The following PCDH15 variants were observed in gnomAD, a reference collection of about 807,000 sequenced individuals.
PCDH15 encodes protocadherin related 15.
PCDH15 carries 129 observed loss-of-function variants against 178.5 expected under a neutral mutation model. The observed-to-expected ratio is 0.72, with a 90% CI of 0.63 to 0.84. The LOEUF (loss-of-function observed/expected upper bound fraction) is 0.84, where lower values mean the gene tolerates loss of function less well. Among genes scored for constraint, PCDH15 ranks in the 40% least tolerant of loss-of-function variants. The pLI, the probability that PCDH15 is intolerant of heterozygous loss-of-function variation, is 0.00. For missense variants in PCDH15, 2,230 were observed against 2,099.9 expected (o/e 1.06, Z -1.21); for synonymous variants, 800 against 732.0 (o/e 1.09, Z -1.50).
chr10:55,617,492 A>G (rs999501905), intron 2 of PCDH15, among the ~76,000 whole-genome samples: 1 of 152,102 alleles, frequency 6.6e-6, no homozygotes, highest in Non-Finnish European at 1.5e-5. Context: ...TAGACCAATT[A>G]GTATCAGTAG....
At chr10:54,594,249 C>A (rs575704274) in intron 2 of PCDH15, among the ~76,000 whole-genome samples, 1 of 152,238 alleles carries the variant, frequency 6.6e-6, no homozygotes, top group Non-Finnish European at 1.5e-5. Flanking sequence ...CAGCAGAGCC[C>A]ATGGGGTTTG....
At chr10:55,495,936 G>A (rs1435969400) in intron 2 of PCDH15, among the ~76,000 whole-genome samples, 5 of 151,768 alleles carry the variant, frequency 3.3e-5, no homozygotes. Flanking sequence ...TATATCATAG[G>A]ATTCTATTTT....
At chr10:53,918,707 TACACAAACACACAC>T (rs2083735377) in intron 25 of PCDH15, among the ~76,000 whole-genome samples, 1 of 124,120 alleles carries the variant, frequency 8.1e-6, no homozygotes, top group African/African-American at 3.1e-5. Context: ...TTAATGCAAA[TACACAAACACACAC>T]ACACACACAC....
chr10:55,580,783 G>A (rs1020110345), intron 2 of PCDH15, among the ~76,000 whole-genome samples: 3 of 152,240 alleles, frequency 2.0e-5, no homozygotes, highest in Non-Finnish European at 2.9e-5. Context: ...GCCTCTAGCC[G>A]ATGTTCTTCT....
In PCDH15 at chr10:54,278,411, A is replaced by G. The variant is rs191079385; in HGVS notation, c.876+38860T>C. ...ATTAGCCATAACGCTTTAATAACAT[A>G]TTTTTAAAATTTTGACTTTAACATC... On this transcript the variant is annotated intron_variant, in intron 8 of 37. Transcript: ENST00000644397. 5.5e-3 allele frequency among the ~76,000 whole-genome samples: 828 copies of G among 151,682 alleles called. 12 individuals carry two copies. The highest frequency in any genetic ancestry group is 0.019 in the African/African-American group (783 of 41,488).
At chr10:55,112,675 C>T (rs1837538032) in intron 2 of PCDH15, among the ~76,000 whole-genome samples, 1 of 152,076 alleles carries the variant, frequency 6.6e-6, no homozygotes, top group African/African-American at 2.4e-5. Context: ...TTAACATGAT[C>T]CCATATGACG....
intron 1 of PCDH15, among the ~76,000 whole-genome samples, chr10:54,756,512 T>C (rs1947144237): frequency 1.3e-5 from 2 of 152,216 alleles, no homozygotes; most frequent in Admixed American, 1.3e-4. Context: ...ACATAGTTTC[T>C]ATTAAAAATC....
At chr10:53,881,647 C>T (rs978480915) in intron 26 of PCDH15, among the ~76,000 whole-genome samples, 4 of 151,898 alleles carry the variant, frequency 2.6e-5, no homozygotes, top group South Asian at 4.2e-4. Context: ...AAAACCAAGC[C>T]ACCATGTATT....
chr10:55,471,670 G>C (rs1839958205), intron 2 of PCDH15, among the ~76,000 whole-genome samples: 2 of 152,282 alleles, frequency 1.3e-5, no homozygotes, highest in South Asian at 4.2e-4. Context: ...TAGTTAGTTT[G>C]TGAACACAGG....
intron 2 of PCDH15, among the ~76,000 whole-genome samples, chr10:55,352,275 T>C (rs891852750): frequency 1.3e-5 from 2 of 152,196 alleles, no homozygotes; most frequent in Non-Finnish European, 2.9e-5. Flanking sequence ...TTTTAGACTA[T>C]GGAAATTTTG....
At chr10:54,248,516 T>G (rs984221928) in intron 8 of PCDH15, among the ~76,000 whole-genome samples, 1 of 152,042 alleles carries the variant, frequency 6.6e-6, no homozygotes, top group Non-Finnish European at 1.5e-5. Flanking sequence ...ATGAATTATA[T>G]AAATGCATTA....
rs1481426746 is a variant in PCDH15, at chr10:53,938,810, C to T, written c.3373+5G>A. The stretch of plus-strand genomic sequence containing the variant: ...CTGGTAAAAGCTTTAAGTAGTATAA[C>T]TTACTTTTTGAAGGAACTCGGAGAT... On this transcript the variant is annotated splice_donor_5th_base_variant and intron_variant, in intron 25 of 37. Coordinates refer to ENST00000644397, the MANE Select transcript of PCDH15 (RefSeq NM_001384140.1). The T allele has an allele frequency of 6.2e-7, 1 of 1,612,450 alleles. No individual in the cohort carries two copies. The highest frequency in any genetic ancestry group is 1.1e-5 in the South Asian group (1 of 91,074).
At chr10:54,595,021 G>A (rs1304504009) in intron 2 of PCDH15, among the ~76,000 whole-genome samples, 1 of 152,146 alleles carries the variant, frequency 6.6e-6, no homozygotes, top group Non-Finnish European at 1.5e-5. Context: ...CAGTACAAAT[G>A]TGCACACCAT....
At chr10:54,752,549 A>G (rs997207429) in intron 1 of PCDH15, among the ~76,000 whole-genome samples, 1 of 150,628 alleles carries the variant, frequency 6.6e-6, no homozygotes, top group South Asian at 2.1e-4. Context: ...CAATAAAACA[A>G]TTTTCCTATA....
intron 1 of PCDH15, among the ~76,000 whole-genome samples, chr10:55,314,419 G>A (rs1018412302): frequency 1.3e-5 from 2 of 151,862 alleles, no homozygotes; most frequent in African/African-American, 4.8e-5. Flanking sequence ...TGAGATAGAG[G>A]CAGAGTCCTC....
In PCDH15 at chr10:55,350,228, CATATATATATAT is replaced by C. The variant is rs869240598; in HGVS notation, c.-155-183589_-155-183578del. The stretch of plus-strand genomic sequence containing the variant: ...GGTGAATATATACCATATATAAACT[CATATATATATAT>C]ATATATATATATATATATATATATA... On this transcript the variant is annotated intron_variant, in intron 2 of 5. Transcript: ENST00000613346. Among the ~76,000 whole-genome samples, 45 of 73,442 alleles carry C rather than the reference CATATATATATAT, an allele frequency of 6.1e-4. 1 individual carries two copies. Among genetic ancestry groups the C allele is most frequent in the East Asian group, 3.7e-3 (9 of 2,432 alleles). The allele number at this position is 73,442 out of a possible 152,430, so 48.2% of individuals were successfully genotyped here.
chr10:53,844,418 A>T (rs988666055), intron 28 of PCDH15, among the ~76,000 whole-genome samples: 28 of 152,056 alleles, frequency 1.8e-4, no homozygotes, highest in Non-Finnish European at 5.9e-5. Flanking sequence ...ATATGAAATA[A>T]AATATAAATA....
chr10:55,262,819 G>T (rs1246589315), intron 1 of PCDH15, among the ~76,000 whole-genome samples: 1 of 152,148 alleles, frequency 6.6e-6, no homozygotes, highest in Non-Finnish European at 1.5e-5. Context: ...CTCTGACCTT[G>T]CAATAAGACA....
rs143633600 is a variant in PCDH15 at position 55,232,771 on chromosome 10, C to T, written c.-155-66120G>A. On this transcript the variant is annotated intron_variant, in intron 1 of 5. Coordinates refer to the PCDH15 transcript ENST00000458638. Reference sequence around the variant, plus strand: ...CCTCCACTTAGTAGCAAGAGAGGAACTGAACCACTCTGCCCAACAATCCTC... The same window carrying T: ...CCTCCACTTAGTAGCAAGAGAGGAATTGAACCACTCTGCCCAACAATCCTC... Among the ~76,000 whole-genome samples, 148 of 152,208 alleles carry T rather than the reference C, an allele frequency of 9.7e-4. 3 individuals are homozygous for T. The East Asian group carries it at 0.023, about 23-fold the overall frequency.
Sources: gnomAD v4.1 joint callset for allele counts (sites outside exome capture counted in the v4.1 genomes callset) on GRCh38, gnomAD v4.1.1 for gene constraint, MANE v1.5 for transcripts, NCBI Gene and HGNC (gene_info 2026-07-23, HGNC 2026-07-21) for gene names.